CDH13: variants seen among roughly 807,000 people sequenced by gnomAD.
The protein encoded by CDH13 is cadherin-13.
In CDH13, 24 loss-of-function variants were observed where a neutral mutation model predicts 63.8. That is an observed-to-expected ratio of 0.38 (90% confidence interval 0.27 to 0.53). The LOEUF is 0.53. CDH13 is among the 20% of genes least tolerant of loss of function. CDH13 has a pLI of 0.85. For missense variants in CDH13, 1,049 were observed against 903.1 expected, an observed-to-expected ratio of 1.16 and a Z score of -2.07; for synonymous variants, 503 against 355.3, an observed-to-expected ratio of 1.42 and a Z score of -4.67.
chr16:83,181,166 A>C (rs1597477158), intron 4 of CDH13: 2 of 653,186 alleles, frequency 3.1e-6, no homozygotes, highest in South Asian at 4.8e-5. Context: ...ACATCTACTG[A>C]AGGCTTTGCA....
chr16:82,777,638 T>C (rs918874558), intron 1 of CDH13, among the ~76,000 whole-genome samples: 1 of 152,236 alleles, frequency 6.6e-6, no homozygotes, highest in African/African-American at 2.4e-5. Flanking sequence ...TATTCCACAA[T>C]TTCTGTGCAG....
intron 3 of CDH13, among the ~76,000 whole-genome samples, chr16:83,108,214 A>G (rs1315135354): frequency 6.6e-6 from 1 of 152,100 alleles, no homozygotes; most frequent in Non-Finnish European, 1.5e-5. Context: ...CATCTCCACT[A>G]TACACCGTGC....
intron 10 of CDH13, among the ~76,000 whole-genome samples, chr16:83,713,119 G>A (rs1475865510): frequency 1.3e-5 from 2 of 152,186 alleles, no homozygotes; most frequent in Non-Finnish European, 2.9e-5. Flanking sequence ...GTGTGTTTGA[G>A]CCTCCATCTC....
chr16:83,030,494 T>G (rs1251469921), intron 2 of CDH13, among the ~76,000 whole-genome samples: 3 of 151,648 alleles, frequency 2.0e-5, no homozygotes, highest in Non-Finnish European at 4.4e-5. Flanking sequence ...AATACAAAAA[T>G]TAGCCAGGCA....
chr16:83,176,099 C>T (rs1173617722), intron 4 of CDH13, among the ~76,000 whole-genome samples: 1 of 150,430 alleles, frequency 6.6e-6, no homozygotes, highest in Non-Finnish European at 1.5e-5. Context: ...ATCCACTTGC[C>T]TCGGTCTCCC....
At chr16:83,263,666 A>T (rs138171944) in intron 5 of CDH13, among the ~76,000 whole-genome samples, 3 of 152,218 alleles carry the variant, frequency 2.0e-5, no homozygotes, top group Non-Finnish European at 4.4e-5. Flanking sequence ...TCTTCTGCTT[A>T]TGAGGCTTTT....
chr16:83,464,466 C>T (rs1394262628), intron 6 of CDH13, among the ~76,000 whole-genome samples: 1 of 152,190 alleles, frequency 6.6e-6, no homozygotes, highest in Non-Finnish European at 1.5e-5. Context: ...GAGCCAAGAT[C>T]GTGCCATTGC....
chr16:83,509,576 C>G (rs2074506692), intron 7 of CDH13, among the ~76,000 whole-genome samples: 1 of 152,108 alleles, frequency 6.6e-6, no homozygotes, highest in African/African-American at 2.4e-5. Context: ...TTGCTGACCT[C>G]TGATTTAAAG....
At chr16:83,778,092 T>G (rs1915246154) in intron 11 of CDH13, among the ~76,000 whole-genome samples, 1 of 152,272 alleles carries the variant, frequency 6.6e-6, no homozygotes, top group Non-Finnish European at 1.5e-5. Flanking sequence ...AATTTGGCTC[T>G]AACCTTTCTT....
chr16:82,816,073 C>T (rs927484137), intron 1 of CDH13, among the ~76,000 whole-genome samples: 5 of 152,040 alleles, frequency 3.3e-5, no homozygotes, highest in African/African-American at 9.7e-5. Context: ...TTTGGTGAAG[C>T]GAAGGGTGTA....
At chr16:83,379,470 C>T (rs1214607972) in intron 6 of CDH13, among the ~76,000 whole-genome samples, 1 of 152,104 alleles carries the variant, frequency 6.6e-6, no homozygotes, top group South Asian at 2.1e-4. Flanking sequence ...TTACCTTTGC[C>T]TAAAAGGCAA....
chr16:83,318,518 A>G (rs567413486), intron 5 of CDH13, among the ~76,000 whole-genome samples: 1 of 152,314 alleles, frequency 6.6e-6, no homozygotes, highest in South Asian at 2.1e-4. Context: ...ATGAAACCTG[A>G]TTCTGTCTGC....
At chr16:83,433,160 C>T (rs1168300010) in intron 6 of CDH13, among the ~76,000 whole-genome samples, 2 of 152,268 alleles carry the variant, frequency 1.3e-5, no homozygotes, top group South Asian at 2.1e-4. Flanking sequence ...GACCAAGTCC[C>T]CGTCTTCCTG....
Position 82,963,697 on chromosome 16 carries a change from T to C in CDH13, c.158-68313T>C, listed in dbSNP as rs112784539. Among the ~76,000 whole-genome samples, 17 of 152,294 alleles carry C rather than the reference T, an allele frequency of 1.1e-4. 3 individuals are homozygous for C. Among genetic ancestry groups the C allele is most frequent in the African/African-American group, 4.1e-4 (17 of 41,576 alleles). ...ATTTCCCCCCTAAATCCTCAACACC[T>C]GTTACAATTCCCAGTGTACAGTAAG... On this transcript the variant is annotated intron_variant, in intron 2 of 13. Transcript: ENST00000567109.
At chr16:82,870,231 C>T (rs2040296017) in intron 2 of CDH13, among the ~76,000 whole-genome samples, 1 of 152,102 alleles carries the variant, frequency 6.6e-6, no homozygotes, top group East Asian at 1.9e-4. Flanking sequence ...CCTCACTAAT[C>T]ATCAGAGAAA....
chr16:83,006,920 G>GGTT (rs1913570388), intron 2 of CDH13, among the ~76,000 whole-genome samples: 1 of 125,612 alleles, frequency 8.0e-6, no homozygotes, highest in African/African-American at 2.9e-5. Flanking sequence ...TTGTTTGTTT[G>GGTT]TTTGTTTGTT....
Position 83,029,399 on chromosome 16 carries a change from A to C in CDH13, c.158-2611A>C, listed in dbSNP as rs574582024. On this transcript the variant is annotated intron_variant, in intron 2 of 13. Transcript: ENST00000567109. ...ACAATATTTGGAGCCCCAAAGTGGA[A>C]ATAGTCCAGATACCAGTCGAGAGTA... is the stretch of plus-strand genomic sequence containing the variant. 3.9e-5 allele frequency among the ~76,000 whole-genome samples: 6 copies of C among 152,314 alleles called. No individual in the cohort carries two copies. The South Asian group carries it at 1.2e-3, about 32-fold the overall frequency.
chr16:83,377,149 C>G lies in CDH13; in HGVS notation c.781+32143C>G, dbSNP rs1266919187. 1.3e-5 allele frequency among the ~76,000 whole-genome samples: 2 copies of G among 152,134 alleles called. 1 individual carries two copies. Among genetic ancestry groups the G allele is most frequent in the Non-Finnish European group, 2.9e-5 (2 of 68,030 alleles). ...TTCCTGAATCCCTAACCCACAAAATCATAAACACGATAAAAGTGACAAAAT... is the reference window on the plus strand; with the variant it reads ...TTCCTGAATCCCTAACCCACAAAATGATAAACACGATAAAAGTGACAAAAT... On this transcript the variant is annotated intron_variant, in intron 6 of 13. Transcript: ENST00000567109.
intron 6 of CDH13, among the ~76,000 whole-genome samples, chr16:83,458,696 A>G (rs1166871091): frequency 3.9e-5 from 6 of 152,092 alleles, no homozygotes; most frequent in Non-Finnish European, 7.3e-5. Context: ...CCCAGCAACA[A>G]TCTTCTTTAT....
Sources: gnomAD v4.1 joint callset for allele counts (sites outside exome capture counted in the v4.1 genomes callset) on GRCh38, gnomAD v4.1.1 for gene constraint, MANE v1.5 for transcripts, NCBI Gene and HGNC (gene_info 2026-07-23, HGNC 2026-07-21) for gene names.